NRG1: variants seen among roughly 807,000 people sequenced by gnomAD.
NRG1 encodes the protein neuregulin 1, also known as pro-neuregulin-1, membrane-bound isoform.
NRG1 carries 18 observed loss-of-function variants against 63.8 expected under a neutral mutation model. That is an observed-to-expected ratio of 0.28 (90% CI 0.19 to 0.42). The LOEUF (loss-of-function observed/expected upper bound fraction) is 0.42. Among genes scored for constraint, NRG1 ranks in the 10% least tolerant of loss-of-function variants. NRG1 has a pLI of 1.00. For synonymous variants in NRG1, 302 were observed against 301.3 expected (o/e 1.00, Z -0.02); for missense variants, 762 against 814.7 (o/e 0.94, Z 0.79).
At chr8:32,617,957 A>G (rs1847678337) in intron 5 of NRG1, among the ~76,000 whole-genome samples, 2 of 152,176 alleles carry the variant, frequency 1.3e-5, no homozygotes, top group South Asian at 4.1e-4. Context: ...TTTTGGCTAT[A>G]TTTTAACTAC....
chr8:32,606,452 T>G (rs901379492), intron 3 of NRG1, among the ~76,000 whole-genome samples: 1 of 152,004 alleles, frequency 6.6e-6, no homozygotes, highest in South Asian at 2.1e-4. Flanking sequence ...ATGAATGACT[T>G]AGAGGTAAGA....
chr8:32,768,099 C>T (rs750139695), downstream of NRG1: 1 of 152,212 alleles, frequency 6.6e-6, no homozygotes, highest in Non-Finnish European at 1.5e-5. Context: ...TCTTGTCTGT[C>T]CATTGCTTTT....
chr8:31,948,118 G>A (rs1220821696), intron 1 of NRG1, among the ~76,000 whole-genome samples: 2 of 152,082 alleles, frequency 1.3e-5, no homozygotes, highest in Non-Finnish European at 2.9e-5. Context: ...GTATATATGT[G>A]TATGTATAAC....
chr8:31,775,801 T>TG (rs1265473344), intron 1 of NRG1, among the ~76,000 whole-genome samples: 69 of 137,176 alleles, frequency 5.0e-4, no homozygotes, highest in African/African-American at 1.9e-3. Flanking sequence ...GAGAATGGTG[T>TG]GAACCCAGGA....
At chr8:31,951,650 A>G (rs1317935816) in intron 1 of NRG1, among the ~76,000 whole-genome samples, 1 of 152,200 alleles carries the variant, frequency 6.6e-6, no homozygotes. Flanking sequence ...TAGGAAATCT[A>G]TTCTGATGAA....
intron 1 of NRG1, among the ~76,000 whole-genome samples, chr8:31,857,269 G>C (rs866647038): frequency 2.0e-5 from 3 of 152,100 alleles, no homozygotes; most frequent in African/African-American, 7.2e-5. Context: ...GCAAGACTCC[G>C]TGGGTGTAGG....
intron 1 of NRG1, among the ~76,000 whole-genome samples, chr8:32,152,502 G>A (rs1269854824): frequency 6.6e-6 from 1 of 152,184 alleles, no homozygotes; most frequent in Non-Finnish European, 1.5e-5. Context: ...TAATTCAGGA[G>A]ACGATCAATG....
chr8:31,792,648 T>C (rs1820826696), intron 1 of NRG1, among the ~76,000 whole-genome samples: 1 of 152,254 alleles, frequency 6.6e-6, no homozygotes, highest in Non-Finnish European at 1.5e-5. Flanking sequence ...ATTTTTGTTT[T>C]CTTTAAGTCT....
upstream of NRG1, chr8:32,548,101 G>C (rs1359141015): frequency 2.2e-5 from 13 of 593,392 alleles, no homozygotes; most frequent in Non-Finnish European, 2.8e-5. Context: ...CCCCCGCCCG[G>C]CCAGCGCGGG....
intron 1 of NRG1, among the ~76,000 whole-genome samples, chr8:31,881,453 T>G (rs1213199700): frequency 6.6e-6 from 1 of 152,186 alleles, no homozygotes; most frequent in Non-Finnish European, 1.5e-5. Flanking sequence ...GGCCTCCCTA[T>G]TCCTTGAGAC....
chr8:31,869,513 C>T (rs187260648), intron 1 of NRG1, among the ~76,000 whole-genome samples: 2 of 152,288 alleles, frequency 1.3e-5, no homozygotes, highest in Admixed American at 6.5e-5. Context: ...AAAATTAGAG[C>T]TTCACTATAA....
At chr8:32,150,712 C>T (rs972651962) in intron 1 of NRG1, among the ~76,000 whole-genome samples, 2 of 152,182 alleles carry the variant, frequency 1.3e-5, no homozygotes, top group African/African-American at 4.8e-5. Flanking sequence ...GGCCCACAGG[C>T]TCCTGAGCAT....
chr8:32,411,018 G>T (rs1170250539), intron 1 of NRG1, among the ~76,000 whole-genome samples: 1 of 151,916 alleles, frequency 6.6e-6, no homozygotes, highest in African/African-American at 2.4e-5. Flanking sequence ...TAGGACTACA[G>T]GCACGCACCA....
intron 1 of NRG1, among the ~76,000 whole-genome samples, chr8:31,884,738 G>T (rs1215790196): frequency 1.3e-5 from 2 of 152,032 alleles, no homozygotes; most frequent in African/African-American, 2.4e-5. Flanking sequence ...GGAATGTATG[G>T]ATCAAACATT....
At chr8:31,910,330 G>A (rs926240330) in intron 1 of NRG1, among the ~76,000 whole-genome samples, 3 of 152,168 alleles carry the variant, frequency 2.0e-5, no homozygotes, top group African/African-American at 7.2e-5. Context: ...GACAGAGGCG[G>A]GATCTAGAAT....
At chr8:31,921,477 T>TAC (rs10557313) in intron 1 of NRG1, among the ~76,000 whole-genome samples, 5,205 of 150,760 alleles carry the variant, frequency 0.035, 273 homozygotes, top group African/African-American at 0.12. Context: ...TACACACACA[T>TAC]ACACACACAC....
At chr8:32,337,631 G>A (rs987609562) in intron 1 of NRG1, among the ~76,000 whole-genome samples, 1 of 77,292 alleles carries the variant, frequency 1.3e-5, no homozygotes, top group Admixed American at 1.6e-4. Flanking sequence ...CTAAGTGGCT[G>A]AAGGAACAAA....
intron 1 of NRG1, among the ~76,000 whole-genome samples, chr8:31,884,439 C>CTGATCTCA (rs1048249070): frequency 2.0e-5 from 3 of 152,118 alleles, no homozygotes; most frequent in African/African-American, 4.8e-5. Flanking sequence ...GCCATGCAGC[C>CTGATCTCA]TGATCTCAGA....
At chr8:32,025,873 G>C (rs1179326117) in intron 1 of NRG1, among the ~76,000 whole-genome samples, 1 of 149,784 alleles carries the variant, frequency 6.7e-6, no homozygotes, top group Non-Finnish European at 1.5e-5. Flanking sequence ...GTGAACCCGG[G>C]AGGCGGAGCT....
Sources: gnomAD v4.1 joint callset for allele counts (sites outside exome capture counted in the v4.1 genomes callset) on GRCh38, gnomAD v4.1.1 for gene constraint, MANE v1.5 for transcripts, NCBI Gene and HGNC (gene_info 2026-07-23, HGNC 2026-07-21) for gene names.